Variants in DRC11 observed in about 807,000 individuals in gnomAD.
DRC11 encodes the protein dynein regulatory complex subunit 11.
chr2:236,442,150 A>G, the DRC11 span, among the ~76,000 whole-genome samples: 2 of 152,190 alleles, frequency 1.3e-5, no homozygotes, highest in Admixed American at 6.5e-5. Flanking sequence ...TATATATTTT[A>G]GTTAATTTAA....
At chr2:236,346,271 T>A in the DRC11 span, among the ~76,000 whole-genome samples, 1 of 152,322 alleles carries the variant, frequency 6.6e-6, no homozygotes, top group East Asian at 1.9e-4. Flanking sequence ...GCATCACACA[T>A]GGTCAGAGCC....
chr2:236,450,957 G>A, the DRC11 span, among the ~76,000 whole-genome samples: 185 of 152,166 alleles, frequency 1.2e-3, no homozygotes, highest in South Asian at 4.4e-3. Context: ...TTGAAATTGC[G>A]TTATCTCTAT....
At chr2:236,422,101 T>C in the DRC11 span, among the ~76,000 whole-genome samples, 3 of 152,290 alleles carry the variant, frequency 2.0e-5, no homozygotes, top group South Asian at 6.2e-4. Flanking sequence ...GCCAATATCA[T>C]ACTGAATGAG....
chr2:236,321,614 T>C, the DRC11 span, among the ~76,000 whole-genome samples: 6 of 152,126 alleles, frequency 3.9e-5, no homozygotes, highest in Admixed American at 3.9e-4. Context: ...CTCTGATCCA[T>C]GGGCAGCAGA....
chr2:236,403,239 G>A, the DRC11 span, among the ~76,000 whole-genome samples: 3 of 152,106 alleles, frequency 2.0e-5, no homozygotes, highest in African/African-American at 7.2e-5. Flanking sequence ...GTCTCACAGG[G>A]ATGGCTGAAG....
the DRC11 span, among the ~76,000 whole-genome samples, chr2:236,340,309 C>A: frequency 1.3e-5 from 2 of 152,158 alleles, no homozygotes; most frequent in Admixed American, 6.5e-5. Flanking sequence ...ATTTTTAATA[C>A]AGACAAGGTT....
the DRC11 span, among the ~76,000 whole-genome samples, chr2:236,501,471 GT>G: frequency 6.6e-6 from 1 of 152,202 alleles, no homozygotes; most frequent in East Asian, 1.9e-4. Context: ...CCAGTTCAAA[GT>G]TCCTGGGACC....
At chr2:236,308,139 G>C in the DRC11 span, among the ~76,000 whole-genome samples, 39 of 152,388 alleles carry the variant, frequency 2.6e-4, no homozygotes, top group African/African-American at 7.2e-4. The surrounding 1 kb of genome is among the most constrained non-coding windows in gnomAD (Gnocchi z 6.0). Flanking sequence ...ACCTGGGAGA[G>C]GGTGGAACCA....
At chr2:236,460,139 C>G in the DRC11 span, among the ~76,000 whole-genome samples, 1 of 152,140 alleles carries the variant, frequency 6.6e-6, no homozygotes, top group Non-Finnish European at 1.5e-5. This position sits in a 1 kb window ranked among gnomAD's most constrained non-coding sequence, Gnocchi z 4.0. Flanking sequence ...TAAGTGTAAT[C>G]CAATTAAGGA....
the DRC11 span, chr2:236,377,275 A>C: frequency 1.4e-6 from 1 of 729,348 alleles, no homozygotes; most frequent in Non-Finnish European, 2.4e-6. The surrounding 1 kb of genome is among the most constrained non-coding windows in gnomAD (Gnocchi z 4.9). Context: ...GAGAACTTAA[A>C]CCAGATCTAT....
chr2:236,381,023 C>T, the DRC11 span, among the ~76,000 whole-genome samples: 1 of 152,090 alleles, frequency 6.6e-6, no homozygotes, highest in African/African-American at 2.4e-5. The surrounding 1 kb of genome is among the most constrained non-coding windows in gnomAD (Gnocchi z 5.8). Context: ...CTTGTGTTCC[C>T]CCAAAACTCA....
chr2:236,359,254 TTTACTTGTAGA>T, the DRC11 span, among the ~76,000 whole-genome samples: 1 of 152,140 alleles, frequency 6.6e-6, no homozygotes, highest in Admixed American at 6.5e-5. This position sits in a 1 kb window ranked among gnomAD's most constrained non-coding sequence, Gnocchi z 4.3. Context: ...TAAATAGTCA[TTTACTTGTAGA>T]TACATTTCTT....
chr2:236,384,406 T>G, the DRC11 span, among the ~76,000 whole-genome samples: 1 of 152,102 alleles, frequency 6.6e-6, no homozygotes, highest in Non-Finnish European at 1.5e-5. Context: ...TGCATTTCTC[T>G]GATGGCCAGT....
the DRC11 span, among the ~76,000 whole-genome samples, chr2:236,491,638 A>T: frequency 6.6e-6 from 1 of 152,112 alleles, no homozygotes; most frequent in South Asian, 2.1e-4. Context: ...GTGCAAAGGG[A>T]TTCCTTTCAG....
the DRC11 span, chr2:236,486,873 C>G: frequency 6.2e-7 from 1 of 1,610,554 alleles, no homozygotes; most frequent in Middle Eastern, 1.7e-4. This position sits in a 1 kb window ranked among gnomAD's most constrained non-coding sequence, Gnocchi z 5.7. Context: ...TTTTCAGTTT[C>G]CTTACGTTGA....
At chr2:236,392,616 G>A in the DRC11 span, among the ~76,000 whole-genome samples, 1 of 152,076 alleles carries the variant, frequency 6.6e-6, no homozygotes, top group Admixed American at 6.5e-5. The surrounding 1 kb of genome is among the most constrained non-coding windows in gnomAD (Gnocchi z 5.1). Flanking sequence ...TATTTTTTAA[G>A]TGTGATACAA....
chr2:236,481,417 T>C, the DRC11 span, among the ~76,000 whole-genome samples: 5 of 152,154 alleles, frequency 3.3e-5, no homozygotes, highest in South Asian at 2.1e-4. Context: ...ACTGTGAATA[T>C]AGAAGTCTGA....
the DRC11 span, among the ~76,000 whole-genome samples, chr2:236,361,253 T>G: frequency 1.3e-5 from 2 of 151,998 alleles, no homozygotes; most frequent in East Asian, 3.9e-4. The surrounding 1 kb of genome is among the most constrained non-coding windows in gnomAD (Gnocchi z 5.7). Context: ...AAATAAAAAA[T>G]AAGAAGATCA....
chr2:236,344,620 G>A, the DRC11 span: 53 of 1,613,632 alleles, frequency 3.3e-5, no homozygotes, highest in African/African-American at 4.7e-4. Flanking sequence ...TCCACACCAC[G>A]GAGGGCTGGA....
Sources: allele counts gnomAD v4.1 joint callset (sites outside exome capture counted in the v4.1 genomes callset), GRCh38; gene constraint gnomAD v4.1.1; non-coding constraint Gnocchi (gnomAD v3.1); transcripts MANE v1.5; gene names NCBI Gene and HGNC (gene_info 2026-07-23, HGNC 2026-07-21).